Variants in ZNF727 observed in about 807,000 individuals in gnomAD.
ZNF727 encodes the protein zinc finger protein 727, also known as putative zinc finger protein 727.
A neutral mutation model predicts 11.5 loss-of-function variants in ZNF727; 11 were observed. The observed-to-expected ratio is 0.95, with a 90% CI of 0.60 to 1.58. The LOEUF (loss-of-function observed/expected upper bound fraction) is 1.58. ZNF727 is among the 40% of genes most tolerant of loss of function. The probability of loss-of-function intolerance (pLI) is 0.00; values close to 1 mark genes in which losing one functional copy is unlikely to be tolerated. For missense variants in ZNF727, 533 were observed against 581.7 expected (o/e 0.92, Z 0.86); for synonymous variants, 171 against 196.1 (o/e 0.87, Z 1.07).
chr7:64,056,648 T>C (rs1051715666), intron 1 of ZNF727, among the ~76,000 whole-genome samples: 1 of 152,180 alleles, frequency 6.6e-6, no homozygotes, highest in Non-Finnish European at 1.5e-5. Flanking sequence ...AATAAGAATA[T>C]GTCAATTATT....
chr7:64,075,798 T>TAGTA (rs1392540808), intron 3 of ZNF727, among the ~76,000 whole-genome samples: 1 of 152,020 alleles, frequency 6.6e-6, no homozygotes, highest in African/African-American at 2.4e-5. Context: ...TCTACCTGAG[T>TAGTA]AGTAGTAGCA....
chr7:64,074,407 T>G (rs1168279673), intron 3 of ZNF727, among the ~76,000 whole-genome samples: 1 of 152,172 alleles, frequency 6.6e-6, no homozygotes, highest in Non-Finnish European at 1.5e-5. Context: ...TGTGAGGATC[T>G]AAATAATGTA....
At chr7:64,074,164 A>G (rs868848544) in intron 3 of ZNF727, among the ~76,000 whole-genome samples, 7 of 152,284 alleles carry the variant, frequency 4.6e-5, no homozygotes, top group Middle Eastern at 3.4e-3. Context: ...TTACACTCAG[A>G]ATGATTTGGT....
rs1409575827 is a variant in ZNF727, at chr7:64,069,542, T to G, written c.159T>G (p.Ile53Met). 5 of 1,560,448 alleles carry G rather than the reference T, an allele frequency of 3.2e-6. No homozygotes were observed. Among genetic ancestry groups the G allele is most frequent in the Non-Finnish European group, 4.3e-6 (5 of 1,151,480 alleles). The change falls in exon 3 of 4, where the codon ATT becomes ATG. Residue 53 changes from isoleucine to methionine, a missense_variant. Transcript: ENST00000456806. ...LGLAIFKPDL[I>M]TYLEQRKEPW... ...TTGCTATCTTTAAGCCAGACTTGAT[T>G]ACCTATCTGGAGCAAAGAAAAGAGC...
chr7:64,057,526 TG>T (rs1335985177), intron 1 of ZNF727, among the ~76,000 whole-genome samples: 1 of 151,882 alleles, frequency 6.6e-6, no homozygotes, highest in Non-Finnish European at 1.5e-5. Flanking sequence ...ATGGACACCT[TG>T]GGGGAACAAC....
In ZNF727 at chr7:64,066,772, C is replaced by G. The variant is rs373504928; in HGVS notation, c.4-2119C>G. 1.6e-3 allele frequency among the ~76,000 whole-genome samples: 250 copies of G among 152,230 alleles called. 2 individuals are homozygous for G. Among genetic ancestry groups the G allele is most frequent in the African/African-American group, 5.8e-3 (241 of 41,562 alleles). On this transcript the variant is annotated intron_variant, in intron 1 of 3. Transcript: ENST00000456806. ...GACTTCATGACTAAAACACCAAAAG[C>G]AATAACAACAAAAGCCAAAATTGAC... is the stretch of plus-strand genomic sequence containing the variant.
In ZNF727 at chr7:64,084,107, G is replaced by T. The variant is rs1382155279; in HGVS notation, c.*5558G>T. Among the ~76,000 whole-genome samples, 1 of 152,134 alleles carries T rather than the reference G, an allele frequency of 6.6e-6. No homozygotes were observed. The highest frequency in any genetic ancestry group is 1.5e-5 in the Non-Finnish European group (1 of 68,030). On this transcript the variant is annotated 3_prime_UTR_variant, in exon 4 of 4. Transcript: ENST00000456806. ...TATACTTTCCTATGGAAGATTAAGA[G>T]AAATGAAATCTAAGATACATGAAGA...
At chr7:64,047,328 T>G (rs139241653) in intron 1 of ZNF727, among the ~76,000 whole-genome samples, 128 of 152,346 alleles carry the variant, frequency 8.4e-4, no homozygotes, top group Admixed American at 2.4e-3. Context: ...TTTTAATTGT[T>G]TATTTTTGTT....
intron 3 of ZNF727, among the ~76,000 whole-genome samples, chr7:64,073,243 A>G (rs941354319): frequency 6.7e-6 from 1 of 149,832 alleles, no homozygotes; most frequent in Non-Finnish European, 1.5e-5. Context: ...TCATGAATAT[A>G]TTGGTCTCCT....
rs151035389 is a variant in ZNF727, at chr7:64,063,291, G to A, written c.4-5600G>A. Among the ~76,000 whole-genome samples the A allele has an allele frequency of 4.7e-3, 713 of 151,520 alleles. 3 individuals are homozygous for A. The highest frequency in any genetic ancestry group is 0.014 in the Middle Eastern group (4 of 288). On this transcript the variant is annotated intron_variant, in intron 1 of 3. Coordinates refer to ENST00000456806, the MANE Select transcript of ZNF727 (RefSeq NM_001159522.3). ...TCCAAGTATTCAAAGGGAATCGAGT[G>A]TTGTAATCTAAGTCTTTGATCATTG...
At position 64,078,134 on chromosome 7, in the gene ZNF727, A is replaced by G. The variant is rs1178931118; in HGVS notation, c.1085A>G (p.His362Arg). 3 of 1,601,772 alleles carry G rather than the reference A, an allele frequency of 1.9e-6. No individual in the cohort carries two copies. Among genetic ancestry groups the G allele is most frequent in the Middle Eastern group, 1.7e-4 (1 of 6,054 alleles). Reference protein sequence around the residue: ...SSTLISHKRIHMELRPYKCEE... With the variant: ...SSTLISHKRIRMELRPYKCEE... Reference sequence around the variant, plus strand: ...ACCCTTATTAGCCACAAGAGAATTCATATGGAATTGAGACCTTACAAATGT... The same window carrying G: ...ACCCTTATTAGCCACAAGAGAATTCGTATGGAATTGAGACCTTACAAATGT... The change falls in exon 4 of 4, where the codon CAT (histidine) becomes CGT (arginine). Residue 362 changes from histidine (H) to arginine (R), a missense_variant. Coordinates refer to ENST00000456806, the MANE Select transcript of ZNF727 (RefSeq NM_001159522.3).
chr7:64,074,680 A>T (rs1790014000), intron 3 of ZNF727, among the ~76,000 whole-genome samples: 1 of 152,186 alleles, frequency 6.6e-6, no homozygotes, highest in Non-Finnish European at 1.5e-5. Context: ...CTGATTAAGT[A>T]CAAGAAAATC....
Position 64,077,574 on chromosome 7 carries a change from TGAA to T in ZNF727, c.529_531del (p.Glu177del). ...TTAGCAGAGAGAAATGCTACAAATG[TGAA>T]GAATGTGGCAAAGACTGTAGGTTGT... On this transcript the variant is annotated inframe_deletion, in exon 4 of 4. Transcript: ENST00000456806. 6.4e-7 allele frequency: 1 copy of T among 1,551,522 alleles called. No individual in the cohort carries two copies.
chr7:64,062,805 T>C (rs1285116975), intron 1 of ZNF727, among the ~76,000 whole-genome samples: 3 of 149,960 alleles, frequency 2.0e-5, no homozygotes, highest in Admixed American at 6.7e-5. Context: ...GAGGCTATTT[T>C]TTTTTTGTCT....
Position 64,045,526 on chromosome 7 carries a change from G to T in ZNF727, c.-96G>T, listed in dbSNP as rs1305416754. The T allele has an allele frequency of 3.1e-5, 46 of 1,496,940 alleles. No homozygotes were observed. Among genetic ancestry groups the T allele is most frequent in the Non-Finnish European group, 4.2e-5 (46 of 1,097,262 alleles). 92.7% of individuals were successfully genotyped at this position (1,496,940 alleles called of 1,614,324 possible). Reference sequence around the variant, plus strand: ...CTATTCCATCTCTTCCGCTCCATTAGCTCCTCGGTGACTCCACCATAGCCC... The same window carrying T: ...CTATTCCATCTCTTCCGCTCCATTATCTCCTCGGTGACTCCACCATAGCCC... On this transcript the variant is annotated 5_prime_UTR_variant, in exon 1 of 4. Transcript: ENST00000456806.
intron 1 of ZNF727, among the ~76,000 whole-genome samples, chr7:64,063,719 C>CTG (rs763042209): frequency 2.6e-5 from 4 of 152,082 alleles, no homozygotes; most frequent in East Asian, 1.9e-4. Flanking sequence ...GCAGTGAGCT[C>CTG]TTACCCACCC....
chr7:64,050,729 C>T (rs906348560), intron 1 of ZNF727, among the ~76,000 whole-genome samples: 1 of 151,230 alleles, frequency 6.6e-6, no homozygotes, highest in East Asian at 1.9e-4. Context: ...AAACCATAGG[C>T]CTCAAATTTA....
chr7:64,045,449 G>A lies in ZNF727; in HGVS notation c.-173G>A, dbSNP rs1258413089. ...AGGAAGAGGCGGGCTCTTCAATATG[G>A]CAAGGCCTTCGTCTCCTAGCTTCTA... On this transcript the variant is annotated 5_prime_UTR_variant, in exon 1 of 4. Transcript: ENST00000456806. 2.2e-6 allele frequency: 2 copies of A among 911,052 alleles called. No homozygotes were observed. The highest frequency in any genetic ancestry group is 1.7e-5 in the African/African-American group (1 of 60,484). The allele number at this position is 911,052 out of a possible 1,614,324, so 56.4% of individuals were successfully genotyped here.
intron 3 of ZNF727, among the ~76,000 whole-genome samples, chr7:64,072,789 C>G (rs1420607243): frequency 1.3e-5 from 2 of 152,066 alleles, no homozygotes; most frequent in East Asian, 3.9e-4. Flanking sequence ...TGAATGAGGG[C>G]CTGCCTTTTC....
Sources: gnomAD v4.1 joint callset for allele counts (sites outside exome capture counted in the v4.1 genomes callset) on GRCh38, gnomAD v4.1.1 for gene constraint, MANE v1.5 for transcripts, NCBI Gene and HGNC (gene_info 2026-07-23, HGNC 2026-07-21) for gene names.